RBM39: variants seen among roughly 807,000 people sequenced by gnomAD.
RBM39 encodes the protein RNA binding motif protein 39.
RBM39 carries 12 observed loss-of-function variants against 79.6 expected under a neutral mutation model. That is an observed-to-expected ratio of 0.15 (90% CI 0.10 to 0.24). The LOEUF (loss-of-function observed/expected upper bound fraction) is 0.24, where lower values mean the gene tolerates loss of function less well. RBM39 is among the 10% of genes least tolerant of loss of function. The probability of loss-of-function intolerance (pLI) is 1.00; values close to 1 mark genes in which losing one functional copy is unlikely to be tolerated. For synonymous variants in RBM39, 185 were observed against 208.4 expected, an observed-to-expected ratio of 0.89 and a Z score of 0.97; for missense variants, 243 against 653.4, an observed-to-expected ratio of 0.37 and a Z score of 6.85.
chr20:35,740,821 C>T lies in RBM39; in HGVS notation c.51+3G>A, dbSNP rs765172393. 1.9e-6 allele frequency: 3 copies of T among 1,609,740 alleles called. No homozygotes were observed. The highest frequency in any genetic ancestry group is 3.4e-5 in the Admixed American group (2 of 59,382). ...TAAACCTCACCGACATGTTTTTTCT[C>T]ACCTTCTTGTAAGGAGCCTCAAGCA... On this transcript the variant is annotated splice_donor_region_variant and intron_variant, in intron 2 of 16. Coordinates refer to ENST00000253363, the MANE Select transcript of RBM39 (RefSeq NM_184234.3).
intron 15 of RBM39, 93 bp from the exon 16 acceptor site, chr20:35,704,839 C>T: frequency 9.8e-7 from 1 of 1,025,198 alleles, no homozygotes; most frequent in Non-Finnish European, 1.5e-6. Flanking sequence ...AAACTTAGTG[C>T]TCTATAACCA....
At chr20:35,722,004 A>G (rs1569027703) in intron 8 of RBM39, 127 bp from the exon 9 acceptor site, 27 of 1,048,468 alleles carry the variant, frequency 2.6e-5, no homozygotes, top group Non-Finnish European at 3.7e-5. Flanking sequence ...TAAGTCAGAT[A>G]CTACATATCA....
chr20:35,727,537 G>A (rs1225636455), intron 6 of RBM39, among the ~76,000 whole-genome samples: 4 of 151,802 alleles, frequency 2.6e-5, no homozygotes, highest in East Asian at 1.9e-4. Flanking sequence ...GAGCAGTGGC[G>A]CAATCTCAGC....
chr20:35,708,620 T>C (rs910466857), intron 13 of RBM39, among the ~76,000 whole-genome samples: 5 of 152,144 alleles, frequency 3.3e-5, no homozygotes, highest in African/African-American at 4.8e-5. Context: ...ACAAAAGATA[T>C]AGAACTTACA....
chr20:35,734,353 T>C, intron 3 of RBM39: 1 of 628,510 alleles, frequency 1.6e-6, no homozygotes, highest in South Asian at 1.7e-5. Flanking sequence ...TATATAGAAC[T>C]CATCAAAGCC....
intron 6 of RBM39, among the ~76,000 whole-genome samples, chr20:35,727,415 A>AC (rs984697141): frequency 6.6e-6 from 1 of 151,686 alleles, no homozygotes; most frequent in Non-Finnish European, 1.5e-5. Context: ...AAAAAAAAAA[A>AC]ACACCCACAA....
In RBM39 at chr20:35,725,024, C is replaced by T. The variant is rs1380035079; in HGVS notation, c.534+14G>A. The T allele has an allele frequency of 3.8e-6, 6 of 1,561,726 alleles. No individual in the cohort carries two copies. Among genetic ancestry groups the T allele is most frequent in the South Asian group, 1.1e-5 (1 of 87,744 alleles). On this transcript the variant is annotated intron_variant, in intron 7 of 16. Coordinates refer to ENST00000253363, the MANE Select transcript of RBM39 (RefSeq NM_184234.3). ...TTTCTACCTACTTGACCTCCCTAAA[C>T]AGGTTAAGATTACCTTTCCTACTGT... is the stretch of plus-strand genomic sequence containing the variant.
intron 3 of RBM39, among the ~76,000 whole-genome samples, chr20:35,737,150 G>T (rs1482068656): frequency 6.6e-6 from 1 of 150,966 alleles, no homozygotes; most frequent in East Asian, 2.0e-4. Flanking sequence ...CCAGCACTTT[G>T]GGAGGCCAAG....
intron 2 of RBM39, chr20:35,739,277 T>G (rs1312114104): frequency 6.1e-6 from 3 of 491,678 alleles, no homozygotes; most frequent in Admixed American, 3.3e-5. Flanking sequence ...TTATATAGTT[T>G]AGATATTAAA....
chr20:35,732,362 T>C lies in RBM39; in HGVS notation c.102-227A>G, dbSNP rs73618518. On this transcript the variant is annotated intron_variant, in intron 3 of 16. Coordinates refer to ENST00000253363, the MANE Select transcript of RBM39 (RefSeq NM_184234.3). ...CACAAGGTCAGGAGTTCAAGACCAG[T>C]CTGGCCAATGTAGTGAAACCCCGTC... is the stretch of plus-strand genomic sequence containing the variant. 4.4e-3 allele frequency: 2,432 copies of C among 551,088 alleles called. 30 individuals carry two copies. The highest frequency in any genetic ancestry group is 0.04 in the East Asian group (1,267 of 31,688). The allele number at this position is 551,088 out of a possible 1,614,324, so 34.1% of individuals were successfully genotyped here.
intron 3 of RBM39, among the ~76,000 whole-genome samples, chr20:35,738,657 G>A (rs1253055303): frequency 7.9e-5 from 12 of 152,112 alleles, no homozygotes; most frequent in Admixed American, 7.9e-4. Context: ...AGTTTTATCA[G>A]TAAGATAACC....
rs1569055030 is a variant in RBM39, at chr20:35,729,868, A to ACG, written c.297-342_297-341insCG. ...TAAAAAAAAAAAAACACACACACAC[A>ACG]TATATAAAAAATAAATCCCTCTGAA... is the stretch of plus-strand genomic sequence containing the variant. On this transcript the variant is annotated intron_variant, in intron 4 of 16. Coordinates refer to ENST00000253363, the MANE Select transcript of RBM39 (RefSeq NM_184234.3). Among the ~76,000 whole-genome samples, 14 of 151,778 alleles carry ACG rather than the reference A, an allele frequency of 9.2e-5. 2 individuals are homozygous for ACG. The highest frequency in any genetic ancestry group is 2.1e-4 in the South Asian group (1 of 4,808).
intron 3 of RBM39, among the ~76,000 whole-genome samples, chr20:35,737,804 A>C (rs575769078): frequency 9.2e-4 from 128 of 139,492 alleles, no homozygotes; most frequent in African/African-American, 3.4e-3. Flanking sequence ...AGCAGAGATC[A>C]CACCACTGCA....
chr20:35,707,427 G>T (rs2035879295), intron 13 of RBM39: 1 of 327,322 alleles, frequency 3.1e-6, no homozygotes, highest in Non-Finnish European at 5.6e-6. Context: ...AAATTTGGGA[G>T]TCCTATTTTA....
At chr20:35,739,052 G>A (rs753692993) in intron 2 of RBM39, 35 bp from the exon 3 acceptor site, 3 of 1,552,052 alleles carry the variant, frequency 1.9e-6, no homozygotes, top group South Asian at 1.1e-5. Flanking sequence ...TCATGAGGAC[G>A]AAGTGGTAAC....
At chr20:35,715,035 C>A (rs113730848) in intron 10 of RBM39, among the ~76,000 whole-genome samples, 1 of 152,078 alleles carries the variant, frequency 6.6e-6, no homozygotes, top group Non-Finnish European at 1.5e-5. Context: ...GCCTAATGAC[C>A]AGTAAGTTAA....
intron 11 of RBM39, 65 bp from the exon 12 acceptor site, chr20:35,713,161 A>G: frequency 7.4e-7 from 1 of 1,357,158 alleles, no homozygotes; most frequent in Non-Finnish European, 1.0e-6. Flanking sequence ...TTCCTGGGTC[A>G]TTAATATCAT....
chr20:35,724,539 T>C (rs757926833), intron 8 of RBM39, 31 bp downstream of exon 8: 3 of 1,606,924 alleles, frequency 1.9e-6, no homozygotes, highest in Non-Finnish European at 1.7e-6. Context: ...ACACCACCAA[T>C]AATCAAACTC....
chr20:35,722,906 C>T (rs2038163477), intron 8 of RBM39, among the ~76,000 whole-genome samples: 1 of 150,808 alleles, frequency 6.6e-6, no homozygotes, highest in Non-Finnish European at 1.5e-5. Flanking sequence ...TGCACTACAG[C>T]CTGGGCGACA....
Sources: allele counts gnomAD v4.1 joint callset (sites outside exome capture counted in the v4.1 genomes callset), GRCh38; gene constraint gnomAD v4.1.1; transcripts MANE v1.5; gene names NCBI Gene and HGNC (gene_info 2026-07-23, HGNC 2026-07-21).